C10orf90: variants seen among roughly 807,000 people sequenced by gnomAD.
The protein encoded by C10orf90 is chromosome 10 open reading frame 90, also known as (E2-independent) E3 ubiquitin-conjugating enzyme FATS.
In C10orf90, 56 loss-of-function variants were observed where a neutral mutation model predicts 62.5. That is an observed-to-expected ratio of 0.90 (90% CI 0.72 to 1.12). The LOEUF (loss-of-function observed/expected upper bound fraction) is 1.12. Ranked by LOEUF, C10orf90 falls within the 50% of genes most tolerant of loss-of-function variation. C10orf90 has a pLI of 0.00. For missense variants in C10orf90, 970 were observed against 880.4 expected (o/e 1.10, Z -1.29); for synonymous variants, 386 against 340.4 (o/e 1.13, Z -1.47).
intron 7 of C10orf90, among the ~76,000 whole-genome samples, chr10:126,440,864 C>A (rs1440295853): frequency 1.3e-5 from 2 of 152,172 alleles, no homozygotes; most frequent in African/African-American, 2.4e-5. Flanking sequence ...CAAGGGAACA[C>A]CCTGTGGGAC....
chr10:126,554,253 C>G (rs538179170), intron 2 of C10orf90, among the ~76,000 whole-genome samples: 43 of 152,198 alleles, frequency 2.8e-4, no homozygotes, highest in African/African-American at 9.2e-4. Flanking sequence ...TAATGTCAAG[C>G]AAAAGAAGCC....
chr10:126,427,176 G>C (rs1264499382), intron 8 of C10orf90, among the ~76,000 whole-genome samples: 1 of 152,234 alleles, frequency 6.6e-6, no homozygotes, highest in East Asian at 1.9e-4. Context: ...CACTCTGTAG[G>C]CATCAAGATG....
chr10:126,465,718 T>C (rs1860248288), intron 4 of C10orf90, among the ~76,000 whole-genome samples: 1 of 152,224 alleles, frequency 6.6e-6, no homozygotes, highest in South Asian at 2.1e-4. Context: ...TGTTGTACTA[T>C]CAAAAGCCTG....
chr10:126,663,551 G>T (rs1354897342), intron 1 of C10orf90, among the ~76,000 whole-genome samples: 1 of 152,088 alleles, frequency 6.6e-6, no homozygotes, highest in Non-Finnish European at 1.5e-5. Flanking sequence ...GCTGACACCC[G>T]CCTCTTTTGT....
At chr10:126,587,135 T>A (rs1015173090) in intron 2 of C10orf90, among the ~76,000 whole-genome samples, 1 of 152,186 alleles carries the variant, frequency 6.6e-6, no homozygotes, top group Non-Finnish European at 1.5e-5. Flanking sequence ...CATAGCCCCA[T>A]GACATCACGA....
intron 2 of C10orf90, among the ~76,000 whole-genome samples, chr10:126,580,406 A>G (rs1186312777): frequency 6.6e-6 from 1 of 152,212 alleles, no homozygotes; most frequent in Non-Finnish European, 1.5e-5. Flanking sequence ...CTGTAATCCC[A>G]GCACTTTGGG....
intron 2 of C10orf90, among the ~76,000 whole-genome samples, chr10:126,574,125 G>A (rs901720486): frequency 5.9e-5 from 9 of 152,266 alleles, no homozygotes; most frequent in African/African-American, 2.2e-4. Flanking sequence ...TTCAATGCAA[G>A]ACTTCAAACA....
At chr10:126,457,081 G>A (rs1052477003) in intron 7 of C10orf90, among the ~76,000 whole-genome samples, 11 of 152,178 alleles carry the variant, frequency 7.2e-5, no homozygotes, top group African/African-American at 1.2e-4. Flanking sequence ...ATGACCTAGC[G>A]AAGCTCAGGT....
At chr10:126,526,510 C>T (rs1366395135) in intron 2 of C10orf90, among the ~76,000 whole-genome samples, 1 of 152,170 alleles carries the variant, frequency 6.6e-6, no homozygotes, top group Non-Finnish European at 1.5e-5. Flanking sequence ...TCCCAAAGTG[C>T]TGGGATTACA....
At chr10:126,568,263 G>A (rs773733221) in intron 2 of C10orf90, among the ~76,000 whole-genome samples, 5 of 152,180 alleles carry the variant, frequency 3.3e-5, no homozygotes, top group South Asian at 2.1e-4. Flanking sequence ...GAATCAGCCC[G>A]TTAGCCAGGG....
At chr10:126,478,249 C>T (rs183366147) in intron 4 of C10orf90, among the ~76,000 whole-genome samples, 1 of 152,334 alleles carries the variant, frequency 6.6e-6, no homozygotes, top group East Asian at 1.9e-4. Flanking sequence ...CCTATTCCCA[C>T]CTGGTTCTGC....
rs1857195596 is a variant in C10orf90, at chr10:126,425,131, A to G, written c.*733T>C. 6.6e-6 allele frequency: 1 copy of G among 152,236 alleles called. No individual in the cohort carries two copies. Among genetic ancestry groups the G allele is most frequent in the Non-Finnish European group, 1.5e-5 (1 of 68,052 alleles). The allele number at this position is 152,236 out of a possible 1,614,324, so 9.4% of individuals were successfully genotyped here. A position where few individuals can be genotyped will look rare whatever the true frequency, so the allele number is the denominator to read the frequency against. Reference sequence around the variant, plus strand: ...GAAGAACAGACAGCAAAGTTGGACCATTAGGCTATTTCTTAACAAAAGAAC... The same window carrying G: ...GAAGAACAGACAGCAAAGTTGGACCGTTAGGCTATTTCTTAACAAAAGAAC... On this transcript the variant is annotated 3_prime_UTR_variant, in exon 10 of 10. Coordinates refer to ENST00000488181, the MANE Select transcript of C10orf90 (RefSeq NM_001350921.2).
At chr10:126,498,639 C>A (rs1017177977) in intron 4 of C10orf90, among the ~76,000 whole-genome samples, 9 of 152,328 alleles carry the variant, frequency 5.9e-5, no homozygotes, top group African/African-American at 1.9e-4. Flanking sequence ...AGAGCTTCTT[C>A]CCCCAGCTGC....
intron 2 of C10orf90, among the ~76,000 whole-genome samples, chr10:126,611,647 A>C (rs1282343945): frequency 6.6e-6 from 1 of 152,200 alleles, no homozygotes; most frequent in South Asian, 2.1e-4. Flanking sequence ...CTTGTCAGCA[A>C]ATATTATTAT....
chr10:126,481,545 C>A (rs1280684403), intron 4 of C10orf90, among the ~76,000 whole-genome samples: 2 of 152,250 alleles, frequency 1.3e-5, no homozygotes, highest in Non-Finnish European at 2.9e-5. Flanking sequence ...ATGGCAGAGG[C>A]ATTTCTGCAT....
intron 1 of C10orf90, among the ~76,000 whole-genome samples, chr10:126,658,348 GT>G (rs2133867841): frequency 6.6e-6 from 1 of 152,330 alleles, no homozygotes; most frequent in South Asian, 2.1e-4. Flanking sequence ...TCCTTTCCTT[GT>G]AGTCTTTCCT....
chr10:126,573,077 AT>A (rs1282379604), intron 2 of C10orf90, among the ~76,000 whole-genome samples: 2 of 152,148 alleles, frequency 1.3e-5, no homozygotes, highest in African/African-American at 4.8e-5. Flanking sequence ...AAAGGGCTTT[AT>A]TCAGCTGGGA....
At chr10:126,649,078 C>T (rs868610596) in intron 1 of C10orf90, among the ~76,000 whole-genome samples, 11 of 106,018 alleles carry the variant, frequency 1.0e-4, no homozygotes, top group African/African-American at 1.8e-4. Flanking sequence ...CTCTCCCCCC[C>T]CCCCAGCAAT....
intron 3 of C10orf90, among the ~76,000 whole-genome samples, chr10:126,505,371 C>T (rs1332198469): frequency 6.6e-6 from 1 of 152,194 alleles, no homozygotes; most frequent in South Asian, 2.1e-4. Context: ...CAACGGGGAT[C>T]ATCTAATTCG....
Sources: gnomAD v4.1 joint callset for allele counts (sites outside exome capture counted in the v4.1 genomes callset) on GRCh38, gnomAD v4.1.1 for gene constraint, MANE v1.5 for transcripts, NCBI Gene and HGNC (gene_info 2026-07-23, HGNC 2026-07-21) for gene names.